CNIH2: variants seen among roughly 807,000 people sequenced by gnomAD.
The protein encoded by CNIH2 is protein cornichon homolog 2.
In CNIH2, 8 loss-of-function variants were observed where a neutral mutation model predicts 22.9. The ratio of observed to expected loss-of-function variants is 0.35; its 90% CI spans 0.20 to 0.63. The LOEUF (loss-of-function observed/expected upper bound fraction) is 0.63. Ranked by LOEUF, CNIH2 falls within the 30% of genes least tolerant of loss-of-function variation. The pLI is 0.72. For synonymous variants in CNIH2, 74 were observed against 78.2 expected (o/e 0.95, Z 0.28); for missense variants, 105 against 206.2 (o/e 0.51, Z 3.01).
At chr11:66,278,915 G>GCCCCCCCCCC (rs776355321) in intron 1 of CNIH2, among the ~76,000 whole-genome samples, 2 of 30,094 alleles carry the variant, frequency 6.6e-5, no homozygotes, top group African/African-American at 1.4e-4. Flanking sequence ...TCTGTCTGCT[G>GCCCCCCCCCC]CCCCCCCCCC....
At chr11:66,282,429 G>GCCGGGGGGGGGGGGGGGGGGGCC in intron 2 of CNIH2, 102 bp downstream of exon 2, 1 of 479,466 alleles carries the variant, frequency 2.1e-6, no homozygotes, top group Non-Finnish European at 4.2e-6. Flanking sequence ...GGGGTGGGGG[G>GCCGGGGGGGGGGGGGGGGGGGCC]CCTACGGCCA....
At chr11:66,282,980 G>T (rs1857286219) in intron 3 of CNIH2, 55 bp from the exon 4 acceptor site, 23 of 1,511,876 alleles carry the variant, frequency 1.5e-5, no homozygotes, top group Non-Finnish European at 2.0e-5. Flanking sequence ...CTGTCCCCTT[G>T]AAGGCTGGTC....
intron 1 of CNIH2, among the ~76,000 whole-genome samples, chr11:66,280,478 G>A (rs370987260): frequency 6.6e-5 from 10 of 152,284 alleles, no homozygotes; most frequent in South Asian, 2.1e-4. Context: ...CTAAGAACTA[G>A]ACTCTTAACA....
intron 1 of CNIH2, among the ~76,000 whole-genome samples, chr11:66,281,791 A>G (rs1286875697): frequency 6.6e-6 from 1 of 151,500 alleles, no homozygotes; most frequent in African/African-American, 2.4e-5. Flanking sequence ...TTTGCTCACC[A>G]ACACCTACTC....
chr11:66,282,431 C>G, intron 2 of CNIH2, 104 bp downstream of exon 2: 3 of 1,096,728 alleles, frequency 2.7e-6, no homozygotes, highest in Non-Finnish European at 4.1e-6. Flanking sequence ...GGTGGGGGGC[C>G]TACGGCCATG....
chr11:66,278,976 C>T (rs1019864612), intron 1 of CNIH2, among the ~76,000 whole-genome samples: 1 of 127,078 alleles, frequency 7.9e-6, no homozygotes, highest in African/African-American at 3.0e-5. Context: ...GTTGCTATGG[C>T]AACTGCATCT....
chr11:66,282,620 A>G, intron 2 of CNIH2, 113 bp from the exon 3 acceptor site: 6 of 1,277,940 alleles, frequency 4.7e-6, no homozygotes, highest in Admixed American at 3.9e-5. Context: ...CCGTGCCGAC[A>G]GTGCCGCAGA....
intron 1 of CNIH2, among the ~76,000 whole-genome samples, chr11:66,280,648 C>T (rs533927353): frequency 1.4e-4 from 21 of 152,256 alleles, no homozygotes; most frequent in South Asian, 4.1e-4. Context: ...GGAGGGGTGA[C>T]GCCCGCCGCC....
In CNIH2 at chr11:66,283,879, G is replaced by A. The variant is rs1337801849; in HGVS notation, c.*282G>A. ...ATTCCTGGAAGGGGCAGGACCTCCG[G>A]CCTTGTCCATTTCGGGGGAAACTTG... On this transcript the variant is annotated 3_prime_UTR_variant, in exon 6 of 6. Transcript: ENST00000311445. 2 of 432,084 alleles carry A rather than the reference G, an allele frequency of 4.6e-6. No individual in the cohort carries two copies. Among genetic ancestry groups the A allele is most frequent in the Non-Finnish European group, 8.4e-6 (2 of 237,888 alleles). The allele number at this position is 432,084 out of a possible 1,614,324, so 26.8% of individuals were successfully genotyped here.
intron 2 of CNIH2, 102 bp downstream of exon 2, chr11:66,282,429 G>GGTTGGGGGGGGGGGGGGGGGGGGGC: frequency 2.1e-6 from 1 of 479,462 alleles, no homozygotes; most frequent in Non-Finnish European, 4.2e-6. Flanking sequence ...GGGGTGGGGG[G>GGTTGGGGGGGGGGGGGGGGGGGGGC]CCTACGGCCA....
Position 66,278,326 on chromosome 11 carries a change from C to A in CNIH2, c.-131C>A. The A allele has an allele frequency of 5.0e-6, 1 of 198,112 alleles. No homozygotes were observed. Among genetic ancestry groups the A allele is most frequent in the Non-Finnish European group, 8.9e-6 (1 of 112,386 alleles). 12.3% of individuals were successfully genotyped at this position (198,112 alleles called of 1,614,324 possible). ...CCCCACGGCCCCGCGGTCCCGGTCC[C>A]GGCCGCATCACCCACGTCCCCCGAG... On this transcript the variant is annotated 5_prime_UTR_variant, in exon 1 of 6. Transcript: ENST00000311445.
At chr11:66,281,201 G>A (rs1020728405) in intron 1 of CNIH2, among the ~76,000 whole-genome samples, 1 of 152,086 alleles carries the variant, frequency 6.6e-6, no homozygotes, top group Middle Eastern at 3.4e-3. Flanking sequence ...CCTCCAAACC[G>A]TCCCCTTGCT....
chr11:66,282,462 G>T (rs1857273841), intron 2 of CNIH2, 135 bp downstream of exon 2: 4 of 1,115,554 alleles, frequency 3.6e-6, no homozygotes, highest in Non-Finnish European at 4.0e-6. Flanking sequence ...CTCTGTCTCC[G>T]CCCCCAGCAA....
intron 2 of CNIH2, 41 bp downstream of exon 2, chr11:66,282,368 C>T (rs754487914): frequency 7.6e-7 from 1 of 1,323,390 alleles, no homozygotes. Context: ...GTCCGTCCGT[C>T]TGTCTTTCCA....
chr11:66,279,192 C>T (rs1257527703), intron 1 of CNIH2, among the ~76,000 whole-genome samples: 1 of 151,946 alleles, frequency 6.6e-6, no homozygotes, highest in East Asian at 1.9e-4. Flanking sequence ...TCTTCCTGTC[C>T]CCCTTCCCCT....
chr11:66,283,005 G>T, intron 3 of CNIH2, 30 bp from the exon 4 acceptor site: 1 of 1,580,430 alleles, frequency 6.3e-7, no homozygotes, highest in Non-Finnish European at 8.7e-7. Flanking sequence ...ATAGCACCAG[G>T]CCGCTGACCT....
chr11:66,283,695 AGGGG>A lies in CNIH2; in HGVS notation c.*100_*103del. On this transcript the variant is annotated 3_prime_UTR_variant, in exon 6 of 6. Transcript: ENST00000311445. ...GCAGAGGCCTCAGCCCTGGGGAGGG[AGGGG>A]GCACTGGTGCCCCCAGCCTCTCCAA... 1 of 1,381,470 alleles carries A rather than the reference AGGGG, an allele frequency of 7.2e-7. No individual in the cohort carries two copies. Among genetic ancestry groups the A allele is most frequent in the Non-Finnish European group, 9.9e-7 (1 of 1,008,928 alleles). The allele number at this position is 1,381,470 out of a possible 1,614,324, so 85.6% of individuals were successfully genotyped here.
intron 1 of CNIH2, chr11:66,281,582 CAAA>C (rs949466398): frequency 1.6e-5 from 7 of 428,398 alleles, no homozygotes; most frequent in Non-Finnish European, 3.3e-5. Context: ...AAAGTAAGTC[CAAA>C]CTCCTGCTCT....
chr11:66,278,567 G>C, intron 1 of CNIH2, 30 bp downstream of exon 1: 49 of 1,294,370 alleles, frequency 3.8e-5, no homozygotes, highest in Non-Finnish European at 4.8e-5. Flanking sequence ...GGGGCTGGGG[G>C]CGGGGTGGGG....
Sources: allele counts gnomAD v4.1 joint callset (sites outside exome capture counted in the v4.1 genomes callset), GRCh38; gene constraint gnomAD v4.1.1; transcripts MANE v1.5; gene names NCBI Gene and HGNC (gene_info 2026-07-23, HGNC 2026-07-21).